GALNT9: variants seen among roughly 807,000 people sequenced by gnomAD.
GALNT9 encodes the protein polypeptide N-acetylgalactosaminyltransferase 9, also known as GalNAc transferase 9.
GALNT9 carries 47 observed loss-of-function variants against 63.1 expected under a neutral mutation model. The observed-to-expected ratio is 0.75, with a 90% confidence interval of 0.59 to 0.95. The LOEUF is 0.95. GALNT9 is among the 40% of genes least tolerant of loss of function. The pLI is 0.00. For missense variants in GALNT9, 829 were observed against 874.8 expected (o/e 0.95, Z 0.66); for synonymous variants, 396 against 365.7 (o/e 1.08, Z -0.94).
chr12:132,225,840 CAA>C (rs1877653261), intron 6 of GALNT9, among the ~76,000 whole-genome samples: 1 of 133,920 alleles, frequency 7.5e-6, no homozygotes, highest in Admixed American at 7.4e-5. Context: ...ACACACCACA[CAA>C]CCCACACCCC....
intron 6 of GALNT9, among the ~76,000 whole-genome samples, chr12:132,230,577 C>T (rs1877852761): frequency 6.7e-6 from 1 of 148,846 alleles, no homozygotes; most frequent in Admixed American, 6.6e-5. Flanking sequence ...TGTCCACTGC[C>T]AAGGCCGCGC....
At position 132,196,535 on chromosome 12, in the gene GALNT9, C is replaced by G. The variant is rs1275761412; in HGVS notation, c.*572G>C. 2 of 985,744 alleles carry G rather than the reference C, an allele frequency of 2.0e-6. No homozygotes were observed. The highest frequency in any genetic ancestry group is 2.4e-6 in the Non-Finnish European group (2 of 830,264). The allele number at this position is 985,744 out of a possible 1,614,324, so 61.1% of individuals were successfully genotyped here. A position where few individuals can be genotyped will look rare whatever the true frequency, so the allele number is the denominator to read the frequency against. On this transcript the variant is annotated 3_prime_UTR_variant, in exon 11 of 11. Coordinates refer to ENST00000328957, the MANE Select transcript of GALNT9 (RefSeq NM_001122636.2). ...CTGCCTAATCCTCTCTTTATTTGGT[C>G]TCTGCTGAAGCAGTCGTGCCAGCCT... is the stretch of plus-strand genomic sequence containing the variant.
chr12:132,264,969 C>T (rs1035074954), intron 2 of GALNT9, among the ~76,000 whole-genome samples: 2 of 152,214 alleles, frequency 1.3e-5, no homozygotes, highest in Non-Finnish European at 2.9e-5. Context: ...CCGCGTCCGC[C>T]TCGCAGGTCG....
intron 1 of GALNT9, among the ~76,000 whole-genome samples, chr12:132,290,566 C>G (rs1439078032): frequency 3.8e-4 from 52 of 136,020 alleles, no homozygotes; most frequent in Middle Eastern, 4.8e-3. Context: ...CACGTCCACA[C>G]CACCCACATC....
chr12:132,247,895 C>G lies in GALNT9; in HGVS notation c.1077+15G>C, dbSNP rs548479701. ...TCGCCCTCACCCTGTCCCTGGACACCGGGGCCGCACTCACCCTCATGCCCA... is the reference window on the plus strand; with the variant it reads ...TCGCCCTCACCCTGTCCCTGGACACGGGGGCCGCACTCACCCTCATGCCCA... On this transcript the variant is annotated intron_variant, in intron 6 of 10. Transcript: ENST00000328957. 1.9e-6 allele frequency: 3 copies of G among 1,551,070 alleles called. No individual in the cohort carries two copies. Among genetic ancestry groups the G allele is most frequent in the South Asian group, 2.4e-5 (2 of 84,054 alleles).
chr12:132,225,710 GTACACACCCCA>G (rs1420846510), intron 6 of GALNT9, among the ~76,000 whole-genome samples: 1 of 99,756 alleles, frequency 1.0e-5, no homozygotes, highest in East Asian at 3.3e-4. Flanking sequence ...CACACTGTAC[GTACACACCCCA>G]TACACACAAC....
chr12:132,300,048 C>T lies in GALNT9; in HGVS notation c.239-13618G>A, dbSNP rs1288822425. ...CCCATGATAACTAACCCACTCCCAC[C>T]ACACCTAACCCATCCCTGAGATGAC... On this transcript the variant is annotated intron_variant, in intron 1 of 10. Coordinates refer to ENST00000328957, the MANE Select transcript of GALNT9 (RefSeq NM_001122636.2). Among the ~76,000 whole-genome samples, 3 of 147,374 alleles carry T rather than the reference C, an allele frequency of 2.0e-5. No homozygotes were observed. In the East Asian group the frequency reaches 6.1e-4, roughly 30 times the overall value.
At chr12:132,202,591 G>A (rs962019961) in intron 7 of GALNT9, among the ~76,000 whole-genome samples, 1 of 152,060 alleles carries the variant, frequency 6.6e-6, no homozygotes, top group Non-Finnish European at 1.5e-5. Flanking sequence ...TACACAAAGC[G>A]CTGTATGTGG....
intron 2 of GALNT9, among the ~76,000 whole-genome samples, chr12:132,269,426 C>T (rs1028762740): frequency 1.5e-4 from 23 of 152,130 alleles, no homozygotes; most frequent in African/African-American, 3.9e-4. Flanking sequence ...CAGCGTCCTC[C>T]GGGCGGGAGC....
At position 132,303,971 on chromosome 12, in the gene GALNT9, A is replaced by G. The variant is rs1241340045; in HGVS notation, c.239-17541T>C. ...CACACCCTCACCTGGGCACAGCCTC[A>G]CCGGGGCACACCCTCACCCAGACAC... On this transcript the variant is annotated intron_variant, in intron 1 of 10. Coordinates refer to ENST00000328957, the MANE Select transcript of GALNT9 (RefSeq NM_001122636.2). 2.9e-3 allele frequency among the ~76,000 whole-genome samples: 66 copies of G among 22,466 alleles called. 1 individual carries two copies. Among genetic ancestry groups the G allele is most frequent in the Admixed American group, 4.1e-3 (8 of 1,940 alleles). 14.7% of individuals were successfully genotyped at this position (22,466 alleles called of 152,430 possible).
chr12:132,329,021 C>T lies in GALNT9; in HGVS notation c.183G>A (p.Glu61=), dbSNP rs926482357. 21 of 1,544,378 alleles carry T rather than the reference C, an allele frequency of 1.4e-5. No homozygotes were observed. The highest frequency in any genetic ancestry group is 1.7e-5 in the Non-Finnish European group (20 of 1,145,830). ...HAKVGTLGDR[E]AILQRLDHLE... is the part of the protein sequence containing the mutation. ...GGTGGTCCAGGCGCTGCAGGATGGCCTCACGGTCCCCCAGCGTGCCCACCT... is the reference window on the plus strand; with the variant it reads ...GGTGGTCCAGGCGCTGCAGGATGGCTTCACGGTCCCCCAGCGTGCCCACCT... Residue 61 remains glutamate (E), a synonymous_variant, in exon 1 of 11, where the codon GAG becomes GAA. Coordinates refer to ENST00000328957, the MANE Select transcript of GALNT9 (RefSeq NM_001122636.2).
intron 4 of GALNT9, among the ~76,000 whole-genome samples, chr12:132,258,272 C>G (rs555035798): frequency 6.6e-6 from 1 of 152,372 alleles, no homozygotes; most frequent in Admixed American, 6.5e-5. Context: ...CCTCTCCTTT[C>G]CTGCTCCTGT....
intron 3 of GALNT9, among the ~76,000 whole-genome samples, chr12:132,262,104 C>G (rs1555239821): frequency 6.6e-6 from 1 of 152,204 alleles, no homozygotes; most frequent in African/African-American, 2.4e-5. Context: ...GGAGAGGAAG[C>G]AGGGACTTTG....
At chr12:132,276,941 GACAC>G (rs201851362) in intron 2 of GALNT9, among the ~76,000 whole-genome samples, 1 of 151,682 alleles carries the variant, frequency 6.6e-6, no homozygotes, top group African/African-American at 2.4e-5. Context: ...CACATCTGTG[GACAC>G]ACACACACAT....
At chr12:132,248,332 G>A (rs782731832) in intron 5 of GALNT9, among the ~76,000 whole-genome samples, 9 of 152,172 alleles carry the variant, frequency 5.9e-5, no homozygotes, top group African/African-American at 4.8e-5. Flanking sequence ...TCAATCGGCC[G>A]GCACAGTAGC....
Position 132,316,543 on chromosome 12 carries a change from G to A in GALNT9, c.238+12423C>T, listed in dbSNP as rs1868519131. Among the ~76,000 whole-genome samples the A allele has an allele frequency of 6.6e-6, 1 of 152,088 alleles. No individual in the cohort carries two copies. Among genetic ancestry groups the A allele is most frequent in the Non-Finnish European group, 1.5e-5 (1 of 67,998 alleles). ...CGAGCTTCCCACCCTAACCACCTGTGCTCAGGGAATGGCCGTCTGAGGTGC... is the reference window on the plus strand; with the variant it reads ...CGAGCTTCCCACCCTAACCACCTGTACTCAGGGAATGGCCGTCTGAGGTGC... On this transcript the variant is annotated intron_variant, in intron 1 of 10. Coordinates refer to ENST00000328957, the MANE Select transcript of GALNT9 (RefSeq NM_001122636.2). This position sits in a 1 kb window ranked among gnomAD's most constrained non-coding sequence, Gnocchi z 4.3.
intron 6 of GALNT9, among the ~76,000 whole-genome samples, chr12:132,207,391 G>T (rs148503268): frequency 6.6e-6 from 1 of 152,192 alleles, no homozygotes; most frequent in African/African-American, 2.4e-5. Context: ...AGCCACTTAC[G>T]GCCACTCTGT....
At chr12:132,320,738 G>A (rs1868746469) in intron 1 of GALNT9, among the ~76,000 whole-genome samples, 1 of 118,416 alleles carries the variant, frequency 8.4e-6, no homozygotes, top group East Asian at 3.0e-4. Flanking sequence ...GCCCCCACCA[G>A]GTGCCCTCGG....
In GALNT9 at chr12:132,224,580, ACACAC is replaced by A. The variant is rs1303574878; in HGVS notation, c.1078-20895_1078-20891del. Among the ~76,000 whole-genome samples the A allele has an allele frequency of 2.0e-3, 161 of 79,382 alleles. 5 individuals carry two copies. Among genetic ancestry groups the A allele is most frequent in the African/African-American group, 7.6e-3 (147 of 19,308 alleles). The allele number at this position is 79,382 out of a possible 152,430, so 52.1% of individuals were successfully genotyped here. A position where few individuals can be genotyped will look rare whatever the true frequency, so the allele number is the denominator to read the frequency against. ...CCCACACAACCCACACCCCACACAC[ACACAC>A]CACACAACCCACACCCCACAAACAT... On this transcript the variant is annotated intron_variant, in intron 6 of 10. Transcript: ENST00000328957.
Sources: gnomAD v4.1 joint callset for allele counts (sites outside exome capture counted in the v4.1 genomes callset) on GRCh38, gnomAD v4.1.1 for gene constraint, Gnocchi (gnomAD v3.1) non-coding constraint, MANE v1.5 for transcripts, NCBI Gene and HGNC (gene_info 2026-07-23, HGNC 2026-07-21) for gene names.